The following GSDME variants were observed in gnomAD, a reference collection of about 807,000 sequenced individuals.
The protein encoded by GSDME is gasdermin-E.
In GSDME, 44 loss-of-function variants were observed where a neutral mutation model predicts 47.5. The ratio of observed to expected loss-of-function variants is 0.93; its 90% CI spans 0.73 to 1.19. The LOEUF (loss-of-function observed/expected upper bound fraction) is 1.19. GSDME is among the 50% of genes most tolerant of loss of function. The pLI is 0.00. For synonymous variants in GSDME, 258 were observed against 252.8 expected, an observed-to-expected ratio of 1.02 and a Z score of -0.20; for missense variants, 663 against 604.2, an observed-to-expected ratio of 1.10 and a Z score of -1.02.
Position 24,745,182 on chromosome 7 carries a change from TCAATAGAC to T in GSDME, c.212-436_212-429del, listed in dbSNP as rs1562713204. Among the ~76,000 whole-genome samples, 2 of 152,086 alleles carry T rather than the reference TCAATAGAC, an allele frequency of 1.3e-5. No individual in the cohort carries two copies. Among genetic ancestry groups the T allele is most frequent in the Non-Finnish European group, 2.9e-5 (2 of 68,014 alleles). On this transcript the variant is annotated intron_variant, in intron 2 of 9. Coordinates refer to ENST00000645220, the MANE Select transcript of GSDME (RefSeq NM_001127453.2). The surrounding 1 kb of genome is among the most constrained non-coding windows in gnomAD (Gnocchi z 4.4). ...CCTGTTTAACCACTATCCAGGTGGATCAATAGACCATTTTAAATGTGTACTTTTCCAGG... is the reference window on the plus strand; with the variant it reads ...CCTGTTTAACCACTATCCAGGTGGATCATTTTAAATGTGTACTTTTCCAGG...
chr7:24,782,391 T>A, the GSDME span, among the ~76,000 whole-genome samples: 8 of 152,186 alleles, frequency 5.3e-5, no homozygotes, highest in African/African-American at 1.9e-4. Context: ...ACAAAGGACA[T>A]GAATTCATCT....
At chr7:24,781,174 G>C in the GSDME span, among the ~76,000 whole-genome samples, 1 of 152,216 alleles carries the variant, frequency 6.6e-6, no homozygotes, top group Admixed American at 6.5e-5. Context: ...GCCCAAGTCA[G>C]TGTGACCACA....
In GSDME at chr7:24,706,259, C is replaced by G. The variant is rs777109676; in HGVS notation, c.1108G>C (p.Gly370Arg). ...CCTGCATCCTCGGGGCCCGGACACC[C>G]ACCCTGTAAGCTGCACCCCACCAGC... ...LQLVGCSLQG[G>R]CPGPEDAGSK... The change falls in exon 8 of 10, where the codon GGG (glycine) becomes CGG (arginine). Residue 370 changes from glycine (G) to arginine (R), a missense_variant. Coordinates refer to ENST00000645220, the MANE Select transcript of GSDME (RefSeq NM_001127453.2). 1.2e-6 allele frequency: 2 copies of G among 1,614,220 alleles called. No homozygotes were observed. Among genetic ancestry groups the G allele is most frequent in the East Asian group, 2.2e-5 (1 of 44,876 alleles).
At chr7:24,775,144 C>T in the GSDME span, among the ~76,000 whole-genome samples, 2 of 152,034 alleles carry the variant, frequency 1.3e-5, no homozygotes, top group African/African-American at 4.8e-5. Context: ...ATTCCAATAC[C>T]AAGTCTGTTG....
intron 6 of GSDME, among the ~76,000 whole-genome samples, chr7:24,709,864 C>A (rs570813688): frequency 6.6e-6 from 1 of 152,014 alleles, no homozygotes; most frequent in Non-Finnish European, 1.5e-5. Flanking sequence ...AGATGCAGAA[C>A]GGGTTCTCCA....
At chr7:24,751,395 A>G (rs1790855264) in intron 1 of GSDME, among the ~76,000 whole-genome samples, 1 of 152,222 alleles carries the variant, frequency 6.6e-6, no homozygotes, top group East Asian at 1.9e-4. Flanking sequence ...GCACAGTTGC[A>G]CAGTCACACA....
At chr7:24,727,024 C>T (rs1298111809) in intron 3 of GSDME, among the ~76,000 whole-genome samples, 2 of 152,184 alleles carry the variant, frequency 1.3e-5, no homozygotes, top group African/African-American at 4.8e-5. Flanking sequence ...TTGATTAATC[C>T]ATCAGCTATT....
intron 5 of GSDME, 74 bp from the exon 6 acceptor site, chr7:24,710,462 G>A: frequency 6.8e-7 from 1 of 1,469,552 alleles, no homozygotes; most frequent in Non-Finnish European, 9.5e-7. Flanking sequence ...GACAGGGTCA[G>A]CCCAGCCTTG....
the GSDME span, among the ~76,000 whole-genome samples, chr7:24,785,860 C>A: frequency 1.3e-5 from 2 of 152,224 alleles, no homozygotes; most frequent in Non-Finnish European, 2.9e-5. Flanking sequence ...TCTTCAGCCC[C>A]ATGGCTATCT....
In GSDME at chr7:24,706,210, G is replaced by T; in HGVS notation, c.1157C>A (p.Ala386Asp). 6.2e-7 allele frequency: 1 copy of T among 1,614,212 alleles called. No homozygotes were observed. The highest frequency in any genetic ancestry group is 8.5e-7 in the Non-Finnish European group (1 of 1,180,046). Reference protein sequence around the residue: ...DAGSKQLFMTAYFLVSALAEM... With the variant: ...DAGSKQLFMTDYFLVSALAEM... ...TGCGAGGGCACTGACCAAGAAGTAGGCTGTCATAAACAGCTGCTTGCTGCC... is the reference window on the plus strand; with the variant it reads ...TGCGAGGGCACTGACCAAGAAGTAGTCTGTCATAAACAGCTGCTTGCTGCC... The change falls in exon 8 of 10, where the codon GCC becomes GAC. Residue 386 changes from alanine to aspartate, a missense_variant. By Grantham distance (126) the Ala-to-Asp change is moderately radical. Transcript: ENST00000645220.
rs531154360 is a variant in GSDME, at chr7:24,747,910, C to T, written c.211+1654G>A. Among the ~76,000 whole-genome samples the T allele has an allele frequency of 2.4e-4, 36 of 152,104 alleles. No homozygotes were observed. The South Asian group carries it at 4.6e-3, about 19-fold the overall frequency. ...CTCAAACTCCTGGGCTCAAGCGATC[C>T]GCCCACCTCGGCCTCCCAAAGTGCT... On this transcript the variant is annotated intron_variant, in intron 2 of 9. Transcript: ENST00000645220.
chr7:24,727,588 T>C (rs893691516), intron 3 of GSDME, among the ~76,000 whole-genome samples: 2 of 152,280 alleles, frequency 1.3e-5, no homozygotes, highest in Non-Finnish European at 2.9e-5. Context: ...GGATCACACG[T>C]GTGTTCACAC....
At chr7:24,702,109 C>G (rs1378699215) in intron 9 of GSDME, among the ~76,000 whole-genome samples, 1 of 152,204 alleles carries the variant, frequency 6.6e-6, no homozygotes, top group South Asian at 2.1e-4. Flanking sequence ...GCAACATCTG[C>G]AAAAGCTACA....
the GSDME span, among the ~76,000 whole-genome samples, chr7:24,781,429 A>G: frequency 6.6e-6 from 1 of 152,204 alleles, no homozygotes; most frequent in Non-Finnish European, 1.5e-5. Flanking sequence ...TTATATTCAC[A>G]ACACAGCACC....
At chr7:24,711,321 T>G (rs1789344007) in intron 5 of GSDME, among the ~76,000 whole-genome samples, 1 of 152,136 alleles carries the variant, frequency 6.6e-6, no homozygotes, top group Non-Finnish European at 1.5e-5. Context: ...CTCCGTTTGC[T>G]GGAAGCGATT....
chr7:24,711,609 C>T (rs560694145), intron 5 of GSDME, among the ~76,000 whole-genome samples: 8 of 152,010 alleles, frequency 5.3e-5, no homozygotes, highest in African/African-American at 1.9e-4. Flanking sequence ...TTGCTTGAGC[C>T]CAGGAGTTTG....
the GSDME span, among the ~76,000 whole-genome samples, chr7:24,795,182 T>A: frequency 6.6e-6 from 1 of 152,176 alleles, no homozygotes; most frequent in African/African-American, 2.4e-5. Flanking sequence ...TGCGCTGCTC[T>A]GGCGAGGCGT....
rs3038357 is a variant in GSDME, at chr7:24,744,984, CGTGTGTGTGTGT to C, written c.212-242_212-231del. Among the ~76,000 whole-genome samples the C allele has an allele frequency of 0.033, 3,944 of 119,038 alleles. 120 individuals are homozygous for C. Among genetic ancestry groups the C allele is most frequent in the African/African-American group, 0.076 (2,437 of 32,234 alleles). 78.1% of individuals were successfully genotyped at this position (119,038 alleles called of 152,430 possible). ...GGGCACACAGTGGACCAGTGCAGCA[CGTGTGTGTGTGT>C]GTGTGTGTGTGTGTGTGTGTGTGTG... On this transcript the variant is annotated intron_variant, in intron 2 of 9. Coordinates refer to ENST00000645220, the MANE Select transcript of GSDME (RefSeq NM_001127453.2). This position sits in a 1 kb window ranked among gnomAD's most constrained non-coding sequence, Gnocchi z 4.5.
chr7:24,789,922 A>G, the GSDME span, among the ~76,000 whole-genome samples: 1 of 152,200 alleles, frequency 6.6e-6, no homozygotes, highest in Non-Finnish European at 1.5e-5. Flanking sequence ...ACAGGTAGCA[A>G]ACAAGGGAGT....
Sources: allele counts gnomAD v4.1 joint callset (sites outside exome capture counted in the v4.1 genomes callset), GRCh38; gene constraint gnomAD v4.1.1; non-coding constraint Gnocchi (gnomAD v3.1); transcripts MANE v1.5; gene names NCBI Gene and HGNC (gene_info 2026-07-23, HGNC 2026-07-21).